The following HIBCH variants were observed in gnomAD, a reference collection of about 807,000 sequenced individuals.
The protein encoded by HIBCH is 3-hydroxyisobutyryl-CoA hydrolase, mitochondrial.
Under a neutral mutation model 58.2 loss-of-function variants are expected in HIBCH, and 50 were observed. The observed-to-expected ratio is 0.86, with a 90% CI of 0.68 to 1.09. The LOEUF (loss-of-function observed/expected upper bound fraction) is 1.09. Ranked by LOEUF, HIBCH falls within the 50% of genes least tolerant of loss-of-function variation. HIBCH has a pLI of 0.00. For synonymous variants in HIBCH, 151 were observed against 146.9 expected (o/e 1.03, Z -0.20); for missense variants, 450 against 449.7 (o/e 1.00, Z -0.01).
intron 4 of HIBCH, among the ~76,000 whole-genome samples, chr2:190,291,288 T>C (rs566777762): frequency 2.6e-5 from 4 of 152,326 alleles, no homozygotes; most frequent in Admixed American, 2.6e-4. Flanking sequence ...AAGATGGCTG[T>C]CCTGGAGTTT....
intron 9 of HIBCH, among the ~76,000 whole-genome samples, chr2:190,249,290 TTATTAAATA>T (rs1180800051): frequency 6.6e-6 from 1 of 152,186 alleles, no homozygotes; most frequent in African/African-American, 2.4e-5. Flanking sequence ...GCAATAAACT[TTATTAAATA>T]TAAATAAATG....
chr2:190,300,904 T>C lies in HIBCH; in HGVS notation c.79-3951A>G, dbSNP rs76992514. Among the ~76,000 whole-genome samples, 2,351 of 152,312 alleles carry C rather than the reference T, an allele frequency of 0.015. 100 individuals carry two copies. In the East Asian group the frequency reaches 0.16, roughly 10 times the overall value. On this transcript the variant is annotated intron_variant, in intron 2 of 13. Coordinates refer to ENST00000359678, the MANE Select transcript of HIBCH (RefSeq NM_014362.4). ...AGTTATCCCAGCACCATTTATTGAA[T>C]AAGGAATCCTTCTGTCATTGCTCCA...
chr2:190,292,206 T>A (rs1419049239), intron 4 of HIBCH, among the ~76,000 whole-genome samples: 1 of 152,210 alleles, frequency 6.6e-6, no homozygotes, highest in Non-Finnish European at 1.5e-5. Flanking sequence ...GGTCTCGAAC[T>A]CCCAACCTCA....
chr2:190,283,071 G>A (rs1687745401), intron 6 of HIBCH, among the ~76,000 whole-genome samples: 1 of 152,144 alleles, frequency 6.6e-6, no homozygotes, highest in African/African-American at 2.4e-5. Flanking sequence ...TTTCCTTTGA[G>A]TATCATGTTG....
At chr2:190,248,403 A>G (rs1686672062) in intron 9 of HIBCH, among the ~76,000 whole-genome samples, 1 of 151,960 alleles carries the variant, frequency 6.6e-6, no homozygotes, top group African/African-American at 2.4e-5. Flanking sequence ...CCAACTAGGG[A>G]AAAGGGACAG....
At chr2:190,273,714 A>C (rs1306079500) in intron 6 of HIBCH, among the ~76,000 whole-genome samples, 2 of 147,210 alleles carry the variant, frequency 1.4e-5, no homozygotes, top group African/African-American at 5.0e-5. Flanking sequence ...TAAAAAAAAA[A>C]GAGATTTAAA....
At chr2:190,223,380 A>G (rs1351073502) in intron 11 of HIBCH, among the ~76,000 whole-genome samples, 3 of 152,220 alleles carry the variant, frequency 2.0e-5, no homozygotes, top group African/African-American at 7.2e-5. Flanking sequence ...TACTACATGC[A>G]TGCCACCATG....
At chr2:190,191,843 T>C (rs544018124) in intron 1 of HIBCH, among the ~76,000 whole-genome samples, 6 of 152,344 alleles carry the variant, frequency 3.9e-5, no homozygotes, top group African/African-American at 1.2e-4. Context: ...TTGATACTTA[T>C]ATATTCTGGA....
At chr2:190,274,850 C>T (rs1049982947) in intron 6 of HIBCH, among the ~76,000 whole-genome samples, 1 of 152,194 alleles carries the variant, frequency 6.6e-6, no homozygotes, top group African/African-American at 2.4e-5. Context: ...GAGTCTCTTG[C>T]AATTTGGTCA....
At chr2:190,218,251 T>C (rs1222414642) in intron 11 of HIBCH, among the ~76,000 whole-genome samples, 2 of 152,156 alleles carry the variant, frequency 1.3e-5, no homozygotes, top group African/African-American at 2.4e-5. Flanking sequence ...TCAGGTCTGG[T>C]GGACCACACC....
chr2:190,274,463 C>T (rs1473699611), intron 6 of HIBCH, among the ~76,000 whole-genome samples: 2 of 152,152 alleles, frequency 1.3e-5, no homozygotes, highest in African/African-American at 4.8e-5. Context: ...TGTATACGCT[C>T]ATTATTTTTA....
chr2:190,274,051 G>A (rs113649018), intron 6 of HIBCH, among the ~76,000 whole-genome samples: 4 of 152,058 alleles, frequency 2.6e-5, no homozygotes, highest in African/African-American at 9.7e-5. Flanking sequence ...ACTCTCCCAC[G>A]CTGGCCTCCC....
Position 190,281,022 on chromosome 2 carries a change from C to G in HIBCH, c.438+6564G>C, listed in dbSNP as rs185799452. ...TTGCTTCAGACCTGTACGGATCCAC[C>G]ACTAACAAGCCCACACTTCAGCTCT... On this transcript the variant is annotated intron_variant, in intron 6 of 13. Transcript: ENST00000359678. The surrounding 1 kb of genome is among the most constrained non-coding windows in gnomAD (Gnocchi z 5.4). 1 of 152,300 alleles carries G rather than the reference C, an allele frequency of 6.6e-6. No homozygotes were observed. Among genetic ancestry groups the G allele is most frequent in the East Asian group, 1.9e-4 (1 of 5,188 alleles). The allele number at this position is 152,300 out of a possible 1,614,324, so 9.4% of individuals were successfully genotyped here. A position where few individuals can be genotyped will look rare whatever the true frequency, so the allele number is the denominator to read the frequency against.
intron 2 of HIBCH, among the ~76,000 whole-genome samples, chr2:190,299,283 C>T (rs146841996): frequency 2.6e-3 from 393 of 152,222 alleles, no homozygotes; most frequent in Non-Finnish European, 4.0e-3. Context: ...AATCAAGTTG[C>T]ATATTTAATA....
In HIBCH at chr2:190,254,061, T is replaced by C. The variant is rs75223872; in HGVS notation, c.518-1754A>G. Among the ~76,000 whole-genome samples the C allele has an allele frequency of 1.1e-3, 162 of 152,224 alleles. 4 individuals are homozygous for C. The East Asian group carries it at 0.031, about 29-fold the overall frequency. ...CCATATTAGGCTACCTCCTCTTTCC[T>C]ATATATACATTTTCCTTAACTCCTA... is the stretch of plus-strand genomic sequence containing the variant. On this transcript the variant is annotated intron_variant, in intron 7 of 13. Coordinates refer to ENST00000359678, the MANE Select transcript of HIBCH (RefSeq NM_014362.4). The surrounding 1 kb of genome is among the most constrained non-coding windows in gnomAD (Gnocchi z 5.0).
chr2:190,200,898 A>AAAT (rs1315099998), downstream of HIBCH: 27 of 167,196 alleles, frequency 1.6e-4, no homozygotes, highest in African/African-American at 6.3e-4. Context: ...GCAATCCAAT[A>AAAT]AATCTTAAAA....
chr2:190,317,466 G>A (rs1688732834), intron 1 of HIBCH, among the ~76,000 whole-genome samples: 1 of 152,206 alleles, frequency 6.6e-6, no homozygotes, highest in South Asian at 2.1e-4. Context: ...AGAACAGTAG[G>A]TAATTGTTCA....
At chr2:190,193,438 T>C (rs1689811542) in intron 1 of HIBCH, among the ~76,000 whole-genome samples, 1 of 152,164 alleles carries the variant, frequency 6.6e-6, no homozygotes, top group Non-Finnish European at 1.5e-5. Flanking sequence ...GAAATCTTTC[T>C]TTCCTCTTTC....
In HIBCH at chr2:190,243,605, A is replaced by G. The variant is rs1686515128; in HGVS notation, c.891+1282T>C. On this transcript the variant is annotated intron_variant, in intron 11 of 13. Transcript: ENST00000359678. The surrounding 1 kb of genome is among the most constrained non-coding windows in gnomAD (Gnocchi z 4.1). ...CTGCTCTAATTTATGCCCATCCTTG[A>G]AAGTTAACAAAATTTTAATACTGTA... Among the ~76,000 whole-genome samples, 1 of 152,158 alleles carries G rather than the reference A, an allele frequency of 6.6e-6. No individual in the cohort carries two copies. Among genetic ancestry groups the G allele is most frequent in the Non-Finnish European group, 1.5e-5 (1 of 68,018 alleles).
Sources: gnomAD v4.1 joint callset for allele counts (sites outside exome capture counted in the v4.1 genomes callset) on GRCh38, gnomAD v4.1.1 for gene constraint, Gnocchi (gnomAD v3.1) non-coding constraint, MANE v1.5 for transcripts, NCBI Gene and HGNC (gene_info 2026-07-23, HGNC 2026-07-21) for gene names.